Variants in POLG2 observed in about 807,000 individuals in gnomAD.
POLG2 encodes DNA polymerase subunit gamma-2.
A neutral mutation model predicts 56.5 loss-of-function variants in POLG2; 50 were observed. The ratio of observed to expected loss-of-function variants is 0.88; its 90% CI spans 0.71 to 1.12. POLG2 has a LOEUF of 1.12. Among genes scored for constraint, POLG2 ranks in the 50% most tolerant of loss-of-function variants. The probability of loss-of-function intolerance (pLI) is 0.00; values close to 1 mark genes in which losing one functional copy is unlikely to be tolerated. For synonymous variants in POLG2, 226 were observed against 222.6 expected, an observed-to-expected ratio of 1.02 and a Z score of -0.14; for missense variants, 584 against 583.3, an observed-to-expected ratio of 1.00 and a Z score of -0.01.
intron 1 of POLG2, among the ~76,000 whole-genome samples, chr17:64,493,987 A>G (rs2038108781): frequency 6.6e-6 from 1 of 152,220 alleles, no homozygotes; most frequent in South Asian, 2.1e-4. Context: ...AAAGTTAACC[A>G]TAATACCACA....
chr17:64,485,667 T>C (rs1164778774), intron 5 of POLG2, 61 bp downstream of exon 5: 1 of 1,311,724 alleles, frequency 7.6e-7, no homozygotes. Flanking sequence ...ACACTAACAT[T>C]AAGAACAAAC....
chr17:64,478,821 C>G (rs938900875), intron 7 of POLG2, among the ~76,000 whole-genome samples: 1 of 151,944 alleles, frequency 6.6e-6, no homozygotes, highest in African/African-American at 2.4e-5. Flanking sequence ...CGCTTGAACA[C>G]GGGAGGCAGA....
intron 1 of POLG2, among the ~76,000 whole-genome samples, chr17:64,493,687 C>T (rs1005604699): frequency 5.3e-5 from 8 of 152,014 alleles, no homozygotes; most frequent in Non-Finnish European, 1.0e-4. Flanking sequence ...GGGGTTTCAC[C>T]GTGTTAGCCA....
At chr17:64,488,903 A>T (rs1555667999) in intron 4 of POLG2, among the ~76,000 whole-genome samples, 1 of 152,070 alleles carries the variant, frequency 6.6e-6, no homozygotes, top group Admixed American at 6.6e-5. Flanking sequence ...GGGAATCGCG[A>T]CACTGCACTC....
chr17:64,483,069 C>G (rs782594180), intron 5 of POLG2, 70 bp from the exon 6 acceptor site: 2 of 786,180 alleles, frequency 2.5e-6, no homozygotes, highest in African/African-American at 1.7e-5. Context: ...AAATATAACA[C>G]AAGTTTAAAT....
At chr17:64,487,597 G>A (rs1232627749) in intron 4 of POLG2, 1 of 130,942 alleles carries the variant, frequency 7.6e-6, no homozygotes, top group African/African-American at 3.1e-5. Context: ...CTGGGTGACA[G>A]AGTGAGACAC....
At position 64,494,035 on chromosome 17, in the gene POLG2, A is replaced by G. The variant is rs576107173; in HGVS notation, c.563-1014T>C. 3.3e-5 allele frequency among the ~76,000 whole-genome samples: 5 copies of G among 152,236 alleles called. No individual in the cohort carries two copies. The South Asian group carries it at 1.0e-3, about 32-fold the overall frequency. On this transcript the variant is annotated intron_variant, in intron 1 of 7. Coordinates refer to ENST00000539111, the MANE Select transcript of POLG2 (RefSeq NM_007215.4). Reference sequence around the variant, plus strand: ...ATATGGTGATATTTTAGTTGTTCCAATTTTCACCCCAAATATCTTTTACTG... The same window carrying G: ...ATATGGTGATATTTTAGTTGTTCCAGTTTTCACCCCAAATATCTTTTACTG...
intron 7 of POLG2, among the ~76,000 whole-genome samples, chr17:64,479,213 T>G (rs1323584553): frequency 2.7e-5 from 4 of 148,106 alleles, no homozygotes; most frequent in Non-Finnish European, 5.9e-5. Flanking sequence ...AGAAGGAGTC[T>G]CGCTCTGTCA....
At position 64,492,713 on chromosome 17, in the gene POLG2, T is replaced by G. The variant is rs782071363; in HGVS notation, c.749A>C (p.Gln250Pro). 2.1e-5 allele frequency: 34 copies of G among 1,613,498 alleles called. No individual in the cohort carries two copies. The highest frequency in any genetic ancestry group is 2.9e-5 in the Non-Finnish European group (34 of 1,179,700). The change falls in exon 3 of 8, where the codon CAG becomes CCG. Residue 250 changes from glutamine (Q) to proline (P), a missense_variant. By Grantham distance (76) the Gln-to-Pro change is moderately conservative. Coordinates refer to ENST00000539111, the MANE Select transcript of POLG2 (RefSeq NM_007215.4). Reference protein sequence around the residue: ...VWFTPPRTSNQWLDFWLRHRL... With the variant: ...VWFTPPRTSNPWLDFWLRHRL... ...ATGACGTAACCAGAAATCAAGCCACTGGTTTGAAGTTCTCGGAGGAGTAAA... is the reference window on the plus strand; with the variant it reads ...ATGACGTAACCAGAAATCAAGCCACGGGTTTGAAGTTCTCGGAGGAGTAAA...
At chr17:64,491,024 C>A (rs1555668395) in intron 3 of POLG2, 55 bp from the exon 4 acceptor site, 2 of 1,265,356 alleles carry the variant, frequency 1.6e-6, no homozygotes, top group Non-Finnish European at 2.3e-6. Flanking sequence ...ACTAATTTAA[C>A]TCCCATAATT....
rs782509406 is a variant in POLG2 at position 64,485,848 on chromosome 17, A to G, written c.990T>C (p.Asn330=). The change falls in exon 5 of 8, where the codon AAT becomes AAC. Residue 330 remains asparagine, a synonymous_variant. Coordinates refer to ENST00000539111, the MANE Select transcript of POLG2 (RefSeq NM_007215.4). ...SKLHGRDGRK[N]VVPCVLSVNG... ...TTACAGAGAGAACACAAGGAACCAC[A>G]TTTTTTCGTCCATCTCGGCCCTTCA... 1 of 1,614,068 alleles carries G rather than the reference A, an allele frequency of 6.2e-7. No individual in the cohort carries two copies. The highest frequency in any genetic ancestry group is 8.5e-7 in the Non-Finnish European group (1 of 1,179,952).
intron 1 of POLG2, among the ~76,000 whole-genome samples, chr17:64,493,755 G>A (rs913042890): frequency 2.0e-5 from 3 of 151,990 alleles, no homozygotes; most frequent in Non-Finnish European, 4.4e-5. Context: ...CAAAGTGCTG[G>A]GATTACAGGC....
At chr17:64,492,175 C>T (rs2038073147) in intron 3 of POLG2, among the ~76,000 whole-genome samples, 1 of 152,110 alleles carries the variant, frequency 6.6e-6, no homozygotes, top group African/African-American at 2.4e-5. Flanking sequence ...CTTGATGACT[C>T]GTGATTATTT....
rs2037940343 is a variant in POLG2 at position 64,485,791 on chromosome 17, G to A, written c.1047C>T (p.Tyr349=). 1 of 1,612,326 alleles carries A rather than the reference G, an allele frequency of 6.2e-7. No homozygotes were observed. Among genetic ancestry groups the A allele is most frequent in the African/African-American group, 1.3e-5 (1 of 74,860 alleles). The change falls in exon 5 of 8, where the codon TAC becomes TAT. Residue 349 remains tyrosine, a synonymous_variant. Coordinates refer to ENST00000539111, the MANE Select transcript of POLG2 (RefSeq NM_007215.4). ...NGDLDRGMLA[Y]LYDSFQLTEN... The stretch of plus-strand genomic sequence containing the variant: ...CTGTCAGCTGGAAAGAATCATAGAG[G>A]TAGGCCAGCATGCCTCGGTCTAGGT...
intron 4 of POLG2, among the ~76,000 whole-genome samples, chr17:64,486,612 C>A (rs1253035589): frequency 2.6e-5 from 4 of 152,164 alleles, no homozygotes; most frequent in Non-Finnish European, 5.9e-5. Context: ...GATCAGCCCA[C>A]CTCAGCCTCC....
At chr17:64,489,080 C>T (rs1555668050) in intron 4 of POLG2, among the ~76,000 whole-genome samples, 1 of 143,214 alleles carries the variant, frequency 7.0e-6, no homozygotes, top group African/African-American at 2.6e-5. Context: ...GGCTGGAGTG[C>T]AGCAGCACAG....
rs868960372 is a variant in POLG2, at chr17:64,488,744, T to C, written c.969+2052A>G. ...ACCAGTTAATAAGCCTTCTAGTTTT[T>C]CATTAGTTATTCATATTTAAAAATT... On this transcript the variant is annotated intron_variant, in intron 4 of 7. Transcript: ENST00000539111. Among the ~76,000 whole-genome samples, 8 of 152,256 alleles carry C rather than the reference T, an allele frequency of 5.3e-5. No homozygotes were observed. In the South Asian group the frequency reaches 1.0e-3, roughly 20 times the overall value.
intron 1 of POLG2, among the ~76,000 whole-genome samples, chr17:64,494,129 C>T (rs1270705226): frequency 6.6e-6 from 1 of 152,170 alleles, no homozygotes; most frequent in African/African-American, 2.4e-5. Flanking sequence ...GAATCTAGAA[C>T]ATTTCCCTTG....
intron 3 of POLG2, among the ~76,000 whole-genome samples, chr17:64,492,410 T>G (rs1160789576): frequency 6.6e-6 from 1 of 152,198 alleles, no homozygotes; most frequent in Non-Finnish European, 1.5e-5. Context: ...CAGCCAGGAA[T>G]GCTAGGTGAG....
Sources: gnomAD v4.1 joint callset for allele counts (sites outside exome capture counted in the v4.1 genomes callset) on GRCh38, gnomAD v4.1.1 for gene constraint, MANE v1.5 for transcripts, NCBI Gene and HGNC (gene_info 2026-07-23, HGNC 2026-07-21) for gene names.